Variants in TSPAN10 observed in about 807,000 individuals in gnomAD.
The protein encoded by TSPAN10 is tetraspanin-10.
A neutral mutation model predicts 15.0 loss-of-function variants in TSPAN10; 11 were observed. The ratio of observed to expected loss-of-function variants is 0.73; its 90% confidence interval spans 0.46 to 1.21. The LOEUF is 1.21. TSPAN10 is among the 50% of genes most tolerant of loss of function. The pLI is 0.00. For missense variants in TSPAN10, 486 were observed against 470.6 expected, an observed-to-expected ratio of 1.03 and a Z score of -0.30; for synonymous variants, 241 against 226.2, an observed-to-expected ratio of 1.07 and a Z score of -0.59.
chr17:81,641,165 CAA>C (rs201926886), upstream of TSPAN10, among the ~76,000 whole-genome samples: 1 of 143,440 alleles, frequency 7.0e-6, no homozygotes. Context: ...ACTCTTGTCT[CAA>C]AAAAAAAAAG....
At chr17:81,641,578 C>G (rs1017754609), upstream of TSPAN10, among the ~76,000 whole-genome samples, 17 of 151,258 alleles carry the variant, frequency 1.1e-4, no homozygotes, top group African/African-American at 4.1e-4. Context: ...AGTACATTGC[C>G]TGCTGTGCTG....
chr17:81,643,098 C>T (rs62075720), intron 1 of TSPAN10, among the ~76,000 whole-genome samples: 1 of 149,552 alleles, frequency 6.7e-6, no homozygotes, highest in Non-Finnish European at 1.5e-5. Flanking sequence ...TCCGCCTCCT[C>T]GGTTCAAGCA....
chr17:81,643,121 CAGCCTGCTG>C (rs2036197255), intron 1 of TSPAN10, among the ~76,000 whole-genome samples: 1 of 150,728 alleles, frequency 6.6e-6, no homozygotes, highest in Non-Finnish European at 1.5e-5. Context: ...TCACATGCCT[CAGCCTGCTG>C]AGTAGCTGGG....
At chr17:81,648,048 G>A (rs2036281461) in exon 3 of TSPAN10, 1 of 1,588,772 alleles carries the variant, frequency 6.3e-7, no homozygotes, top group Admixed American at 1.8e-5. Flanking sequence ...AGAGAGTGGT[G>A]TACCTGGAGG....
chr17:81,640,756 C>T (rs1020557437), upstream of TSPAN10, among the ~76,000 whole-genome samples: 1 of 152,084 alleles, frequency 6.6e-6, no homozygotes, highest in African/African-American at 2.4e-5. Flanking sequence ...CCCCTAATGG[C>T]CTTTAAAGGC....
At chr17:81,645,764 C>T (rs983889182) in intron 2 of TSPAN10, 135 bp downstream of exon 3, 29 of 1,123,432 alleles carry the variant, frequency 2.6e-5, no homozygotes, top group African/African-American at 1.8e-4. Context: ...CGTATACCCA[C>T]ATGTACACGC....
intron 1 of TSPAN10, among the ~76,000 whole-genome samples, chr17:81,644,530 T>A (rs1178508035): frequency 6.6e-6 from 1 of 152,150 alleles, no homozygotes; most frequent in Non-Finnish European, 1.5e-5. Flanking sequence ...TCTACACAAG[T>A]TCCATGCTGC....
At chr17:81,647,820 G>T in intron 2 of TSPAN10, 81 bp from the exon 4 acceptor site, 2 of 1,465,986 alleles carry the variant, frequency 1.4e-6, no homozygotes, top group Non-Finnish European at 9.2e-7. Flanking sequence ...GTGAAGGTGG[G>T]TAGGCGACAT....
chr17:81,645,693 G>A lies in TSPAN10; in HGVS notation c.674+64G>A, dbSNP rs1336334956. The A allele has an allele frequency of 5.7e-5, 91 of 1,584,332 alleles. No individual in the cohort carries two copies. In the South Asian group the frequency reaches 6.4e-4, roughly 11 times the overall value. On this transcript the variant is annotated intron_variant, in intron 2 of 2. Coordinates refer to ENST00000611590, the Ensembl canonical transcript of TSPAN10. ...GGTCGCAGAGGCCACACACCCTTGT[G>A]CGTGTACACACAGTCACTCACACGT... is the stretch of plus-strand genomic sequence containing the variant.
upstream of TSPAN10, chr17:81,637,670 A>G: frequency 2.9e-6 from 1 of 344,038 alleles, no homozygotes; most frequent in Non-Finnish European, 5.5e-6. Context: ...GCGGTGGCTC[A>G]CGCCTGTAAT....
chr17:81,637,949 A>AAAG (rs55849409), upstream of TSPAN10: 4 of 151,510 alleles, frequency 2.6e-5, no homozygotes, highest in East Asian at 3.9e-4. Context: ...AAAAAAAAAA[A>AAAG]GACGTCACTT....
exon 2 of TSPAN10, chr17:81,645,587 G>C (rs1327644218): frequency 4.3e-6 from 7 of 1,612,614 alleles, no homozygotes; most frequent in Admixed American, 1.7e-5. Context: ...CTCGGGCTGA[G>C]GTGCTGCGGA....
At position 81,645,320 on chromosome 17, in the gene TSPAN10, TG is replaced by T; in HGVS notation, c.369del (p.Leu124TrpfsTer11). 1.3e-6 allele frequency: 2 copies of T among 1,554,120 alleles called. No individual in the cohort carries two copies. On this transcript the variant is annotated frameshift_variant, in exon 2 of 3. Transcript: ENST00000611590. LOFTEE classifies it high-confidence loss of function. ...GGGCCCCTGCCCGCAGACCCCATGC[TG>T]GGGCTGGCACTGGGAGGGCTGGTGG...
At chr17:81,641,213 G>A (rs1423051946), upstream of TSPAN10, among the ~76,000 whole-genome samples, 6 of 152,084 alleles carry the variant, frequency 3.9e-5, no homozygotes, top group Non-Finnish European at 7.4e-5. Flanking sequence ...GTTGGAGGCC[G>A]TGGACAGTCC....
At chr17:81,639,717 G>A (rs1241282384), upstream of TSPAN10, among the ~76,000 whole-genome samples, 3 of 151,488 alleles carry the variant, frequency 2.0e-5, no homozygotes, top group East Asian at 2.0e-4. Flanking sequence ...GGTGGCTCAC[G>A]CCTGTCATCC....
chr17:81,642,998 TATATATA>T (rs2036194727), intron 1 of TSPAN10, among the ~76,000 whole-genome samples: 2 of 21,342 alleles, frequency 9.4e-5, no homozygotes, highest in South Asian at 6.7e-3. Context: ...CAAAATATTA[TATATATA>T]TATATATATA....
upstream of TSPAN10, among the ~76,000 whole-genome samples, chr17:81,640,388 T>TGTCCCACCGTGTCTCTCCAC: frequency 6.6e-6 from 1 of 151,972 alleles, no homozygotes; most frequent in East Asian, 1.9e-4. Flanking sequence ...TGTCTCTCCA[T>TGTCCCACCGTGTCTCTCCAC]GTGTCCCACC....
At chr17:81,644,140 C>A (rs1223833168) in intron 1 of TSPAN10, among the ~76,000 whole-genome samples, 1 of 151,960 alleles carries the variant, frequency 6.6e-6, no homozygotes, top group Non-Finnish European at 1.5e-5. Context: ...TGAGCCACAA[C>A]GTCCAGCCCG....
intron 1 of TSPAN10, 31 bp downstream of exon 2, chr17:81,642,479 G>A: frequency 6.3e-7 from 1 of 1,592,304 alleles, no homozygotes; most frequent in Non-Finnish European, 8.6e-7. Context: ...TTGCCCTGAG[G>A]TTGGAGATGT....
Sources: allele counts gnomAD v4.1 joint callset (sites outside exome capture counted in the v4.1 genomes callset), GRCh38; gene constraint gnomAD v4.1.1; transcripts MANE v1.5; gene names NCBI Gene and HGNC (gene_info 2026-07-23, HGNC 2026-07-21).